Variants in SLC16A9 observed in about 807,000 individuals in gnomAD.
SLC16A9 encodes solute carrier family 16 member 9.
Under a neutral mutation model 44.3 loss-of-function variants are expected in SLC16A9, and 26 were observed. The ratio of observed to expected loss-of-function variants is 0.59; its 90% CI spans 0.43 to 0.81. The LOEUF (loss-of-function observed/expected upper bound fraction) is 0.81. Ranked by LOEUF, SLC16A9 falls within the 40% of genes least tolerant of loss-of-function variation. The probability of loss-of-function intolerance (pLI) is 0.00; values close to 1 mark genes in which losing one functional copy is unlikely to be tolerated. For synonymous variants in SLC16A9, 230 were observed against 225.1 expected (o/e 1.02, Z -0.19); for missense variants, 559 against 595.8 (o/e 0.94, Z 0.64).
In SLC16A9 at chr10:59,684,323, AG is replaced by A. The variant is rs1390109603; in HGVS notation, c.-33del. ...ACAAAATCAGGAGGCGTTTCTCTGC[AG>A]GTCCTAAACAAAAACAAACAGAAAA... On this transcript the variant is annotated 5_prime_UTR_variant, in exon 2 of 6. Transcript: ENST00000395348. 1 of 1,589,384 alleles carries A rather than the reference AG, an allele frequency of 6.3e-7. No homozygotes were observed. Among genetic ancestry groups the A allele is most frequent in the Non-Finnish European group, 8.6e-7 (1 of 1,162,658 alleles).
At chr10:59,657,633 A>G (rs1478483929) in intron 4 of SLC16A9, among the ~76,000 whole-genome samples, 1 of 152,168 alleles carries the variant, frequency 6.6e-6, no homozygotes, top group Non-Finnish European at 1.5e-5. Flanking sequence ...CTGAGTGAAA[A>G]GCAAGATCAT....
intron 1 of SLC16A9, among the ~76,000 whole-genome samples, chr10:59,688,085 C>T (rs1840173896): frequency 6.6e-6 from 1 of 152,190 alleles, no homozygotes; most frequent in Admixed American, 6.5e-5. Flanking sequence ...GCAGGGCCTC[C>T]CACTTAACCT....
intron 3 of SLC16A9, among the ~76,000 whole-genome samples, chr10:59,672,543 G>C (rs1453334792): frequency 2.6e-5 from 4 of 152,278 alleles, no homozygotes; most frequent in Non-Finnish European, 5.9e-5. Context: ...AAACTTCCCT[G>C]TGCCTTGCAA....
At chr10:59,706,243 G>A (rs546656492) in intron 1 of SLC16A9, among the ~76,000 whole-genome samples, 6 of 151,976 alleles carry the variant, frequency 3.9e-5, no homozygotes, top group Admixed American at 2.0e-4. Flanking sequence ...TTGGAGGCAG[G>A]GACCATGTGT....
At chr10:59,682,181 T>C (rs1323944471) in intron 2 of SLC16A9, among the ~76,000 whole-genome samples, 2 of 152,024 alleles carry the variant, frequency 1.3e-5, no homozygotes, top group African/African-American at 4.8e-5. Flanking sequence ...ATGCCCTAAC[T>C]CTCTGGTCCC....
At chr10:59,698,816 C>T (rs1840457635) in intron 1 of SLC16A9, among the ~76,000 whole-genome samples, 1 of 151,752 alleles carries the variant, frequency 6.6e-6, no homozygotes. Context: ...TGGCTCATTG[C>T]AACCTCCACC....
chr10:59,666,486 A>G (rs1368188975), intron 3 of SLC16A9, among the ~76,000 whole-genome samples: 1 of 152,072 alleles, frequency 6.6e-6, no homozygotes, highest in South Asian at 2.1e-4. Flanking sequence ...TGCTTTTTTC[A>G]CTATGTTCAC....
At chr10:59,705,425 A>G (rs1235349525) in intron 1 of SLC16A9, among the ~76,000 whole-genome samples, 1 of 152,130 alleles carries the variant, frequency 6.6e-6, no homozygotes, top group Non-Finnish European at 1.5e-5. Context: ...TAGTTGTGTG[A>G]CCTTGTAAAA....
chr10:59,696,159 AGCTGGACTGT>A (rs929779090), intron 1 of SLC16A9, among the ~76,000 whole-genome samples: 10 of 152,152 alleles, frequency 6.6e-5, no homozygotes, highest in African/African-American at 2.4e-4. Flanking sequence ...GCCCAGCCGA[AGCTGGACTGT>A]GCTGCTGCCA....
intron 3 of SLC16A9, among the ~76,000 whole-genome samples, chr10:59,670,594 C>T (rs1839726352): frequency 6.6e-6 from 1 of 152,216 alleles, no homozygotes; most frequent in Admixed American, 6.5e-5. Flanking sequence ...GGCCATCTAG[C>T]TCATTCCAGA....
chr10:59,702,303 T>C (rs751253146), intron 1 of SLC16A9, among the ~76,000 whole-genome samples: 1 of 152,208 alleles, frequency 6.6e-6, no homozygotes, highest in Non-Finnish European at 1.5e-5. Context: ...CTTTTACCAA[T>C]ATAACATCGG....
intron 1 of SLC16A9, among the ~76,000 whole-genome samples, chr10:59,688,011 C>T (rs892027884): frequency 1.1e-4 from 17 of 151,668 alleles, no homozygotes; most frequent in African/African-American, 3.9e-4. Flanking sequence ...AATTTTCCTT[C>T]TTTTCCTAAA....
chr10:59,653,031 A>T, intron 5 of SLC16A9, 81 bp from the exon 6 acceptor site: 1 of 1,052,028 alleles, frequency 9.5e-7, no homozygotes, highest in Non-Finnish European at 1.4e-6. Context: ...TATCAGTTTT[A>T]TATATAGTTA....
At chr10:59,704,577 T>C (rs1840598422) in intron 1 of SLC16A9, among the ~76,000 whole-genome samples, 1 of 152,188 alleles carries the variant, frequency 6.6e-6, no homozygotes, top group African/African-American at 2.4e-5. Context: ...GTCCAAATAT[T>C]TAACAAAGTA....
At chr10:59,706,921 C>T (rs1840650847) in intron 1 of SLC16A9, among the ~76,000 whole-genome samples, 1 of 149,246 alleles carries the variant, frequency 6.7e-6, no homozygotes, top group Non-Finnish European at 1.5e-5. Context: ...TTGCAGTAAG[C>T]CAAGATTGAG....
chr10:59,690,978 A>G (rs1171649), intron 1 of SLC16A9, among the ~76,000 whole-genome samples: 140,358 of 152,108 alleles, frequency 0.92, 64,917 homozygotes, highest in Middle Eastern at 0.98. Context: ...CCAGCTACTC[A>G]GGAGGCTGAG....
intron 2 of SLC16A9, among the ~76,000 whole-genome samples, chr10:59,676,157 T>C (rs1267072836): frequency 6.6e-6 from 1 of 152,234 alleles, no homozygotes; most frequent in Non-Finnish European, 1.5e-5. Context: ...ATAAAATTTA[T>C]AATCACTTGG....
Position 59,654,020 on chromosome 10 carries a change from C to A in SLC16A9, c.1006G>T (p.Val336Leu). Residue 336 changes from valine (V) to leucine (L), a missense_variant, in exon 5 of 6, where the codon GTG becomes TTG. Physicochemically the swap from Val to Leu is conservative, Grantham distance 32. Transcript: ENST00000395348. ...LMEDVARSSN[V>L]KEEEFIMPLI... ...GGCATAATAAACTCTTCTTCTTTCA[C>A]GTTTGAACTTCTTGCTACATCTTCC... is the stretch of plus-strand genomic sequence containing the variant. The A allele has an allele frequency of 6.2e-7, 1 of 1,613,864 alleles. No individual in the cohort carries two copies. The highest frequency in any genetic ancestry group is 8.5e-7 in the Non-Finnish European group (1 of 1,179,984).
chr10:59,654,028 C>A lies in SLC16A9; in HGVS notation c.998G>T (p.Ser333Ile), dbSNP rs1173749918. 1 of 1,613,872 alleles carries A rather than the reference C, an allele frequency of 6.2e-7. No homozygotes were observed. Among genetic ancestry groups the A allele is most frequent in the African/African-American group, 1.3e-5 (1 of 74,914 alleles). Residue 333 changes from serine to isoleucine, a missense_variant, in exon 5 of 6, where the codon AGT (serine) becomes ATT (isoleucine). Physicochemically the swap from Ser to Ile is moderately radical, Grantham distance 142. Coordinates refer to ENST00000395348, the MANE Select transcript of SLC16A9 (RefSeq NM_194298.3). ...PSLLMEDVARSSNVKEEEFIM... is the reference protein window; with the variant it reads ...PSLLMEDVARISNVKEEEFIM... The stretch of plus-strand genomic sequence containing the variant: ...AAACTCTTCTTCTTTCACGTTTGAA[C>A]TTCTTGCTACATCTTCCATAAGTAA...
Sources: allele counts gnomAD v4.1 joint callset (sites outside exome capture counted in the v4.1 genomes callset), GRCh38; gene constraint gnomAD v4.1.1; transcripts MANE v1.5; gene names NCBI Gene and HGNC (gene_info 2026-07-23, HGNC 2026-07-21).